The following PRKN variants were observed in gnomAD, a reference collection of about 807,000 sequenced individuals.
The protein encoded by PRKN is E3 ubiquitin-protein ligase parkin.
PRKN carries 56 observed loss-of-function variants against 59.5 expected under a neutral mutation model. The ratio of observed to expected loss-of-function variants is 0.94; its 90% CI spans 0.76 to 1.18. The LOEUF (loss-of-function observed/expected upper bound fraction) is 1.18. Among genes scored for constraint, PRKN ranks in the 50% most tolerant of loss-of-function variants. The probability of loss-of-function intolerance (pLI) is 0.00; values close to 1 mark genes in which losing one functional copy is unlikely to be tolerated. For synonymous variants in PRKN, 250 were observed against 222.1 expected, an observed-to-expected ratio of 1.13 and a Z score of -1.12; for missense variants, 657 against 596.4, an observed-to-expected ratio of 1.10 and a Z score of -1.06.
At chr6:162,374,746 T>A (rs1359176612) in intron 2 of PRKN, among the ~76,000 whole-genome samples, 1 of 152,102 alleles carries the variant, frequency 6.6e-6, no homozygotes, top group Non-Finnish European at 1.5e-5. Context: ...TTTATAGATG[T>A]CTGTATGTAA....
chr6:161,744,438 CTT>C (rs1260608605), intron 7 of PRKN, among the ~76,000 whole-genome samples: 1 of 152,162 alleles, frequency 6.6e-6, no homozygotes, highest in Non-Finnish European at 1.5e-5. Context: ...TCACTGAATG[CTT>C]GCTATGGGAG....
At chr6:162,254,701 T>C (rs1779574327) in intron 3 of PRKN, among the ~76,000 whole-genome samples, 1 of 152,132 alleles carries the variant, frequency 6.6e-6, no homozygotes, top group South Asian at 2.1e-4. Context: ...GAGCCAGCTT[T>C]GTTAAGCCCC....
chr6:162,713,310 C>T (rs903192113), intron 1 of PRKN, among the ~76,000 whole-genome samples: 3 of 152,144 alleles, frequency 2.0e-5, no homozygotes, highest in Middle Eastern at 3.4e-3. Flanking sequence ...CTGGCTAACA[C>T]AGTGAAACCC....
intron 2 of PRKN, among the ~76,000 whole-genome samples, chr6:162,345,657 T>G (rs1784369610): frequency 6.6e-6 from 1 of 152,194 alleles, no homozygotes; most frequent in South Asian, 2.1e-4. Context: ...ATCTTCTGCC[T>G]GTTGTTAGCA....
chr6:161,894,991 G>C (rs1777558283), intron 6 of PRKN, among the ~76,000 whole-genome samples: 3 of 152,288 alleles, frequency 2.0e-5, no homozygotes, highest in Admixed American at 2.0e-4. Context: ...CTGAAGATCT[G>C]ACCTCACTCT....
chr6:162,103,078 A>T (rs1214163775), intron 4 of PRKN, among the ~76,000 whole-genome samples: 1 of 151,768 alleles, frequency 6.6e-6, no homozygotes, highest in South Asian at 2.1e-4. Context: ...GAAATACATA[A>T]CTTGAATGAA....
chr6:161,733,783 A>AAATATATATATATGTATATATATAT (rs35360887), intron 7 of PRKN, among the ~76,000 whole-genome samples: 1 of 86,226 alleles, frequency 1.2e-5, no homozygotes, highest in Admixed American at 1.3e-4. Context: ...AAAAAAAAAA[A>AAATATATATATATGTATATATATAT]ATATATATAT....
chr6:161,731,981 T>C (rs999752810), intron 7 of PRKN, among the ~76,000 whole-genome samples: 21 of 152,314 alleles, frequency 1.4e-4, no homozygotes, highest in African/African-American at 3.4e-4. Flanking sequence ...CAGAAGTACA[T>C]GTGCAGGTTT....
Position 161,386,879 on chromosome 6 carries a change from T to C in PRKN, c.1084-2A>G. The C allele has an allele frequency of 6.2e-7, 1 of 1,613,296 alleles. No homozygotes were observed. The highest frequency in any genetic ancestry group is 8.5e-7 in the Non-Finnish European group (1 of 1,179,228). ...TTTACATTCCCGGCAGAAGGCAAAC[T>C]GCAAAAGAACACACATCCATTAATT... On this transcript the variant is annotated splice_acceptor_variant, in intron 9 of 11. Coordinates refer to ENST00000366898, the MANE Select transcript of PRKN (RefSeq NM_004562.3). LOFTEE classifies it high-confidence loss of function. The surrounding 1 kb of genome is among the most constrained non-coding windows in gnomAD (Gnocchi z 4.3).
At chr6:162,676,687 CT>C (rs1271694086) in intron 1 of PRKN, among the ~76,000 whole-genome samples, 1 of 152,194 alleles carries the variant, frequency 6.6e-6, no homozygotes, top group East Asian at 1.9e-4. Flanking sequence ...TAAAAAGTTA[CT>C]GACAACAGAA....
At chr6:161,657,754 G>A (rs1402876466) in intron 7 of PRKN, among the ~76,000 whole-genome samples, 2 of 152,010 alleles carry the variant, frequency 1.3e-5, no homozygotes, top group African/African-American at 2.4e-5. Flanking sequence ...GGCTGGGCAC[G>A]GTGGCTCACA....
intron 7 of PRKN, among the ~76,000 whole-genome samples, chr6:161,667,668 C>G (rs564602793): frequency 2.0e-5 from 3 of 152,280 alleles, no homozygotes; most frequent in African/African-American, 4.8e-5. Flanking sequence ...TAATCAATAA[C>G]TATGTGTTGA....
At chr6:162,577,374 T>C (rs376353936) in intron 1 of PRKN, among the ~76,000 whole-genome samples, 1 of 148,362 alleles carries the variant, frequency 6.7e-6, no homozygotes, top group East Asian at 2.1e-4. Flanking sequence ...CCGAGGCACG[T>C]GGATCACCTA....
chr6:162,526,685 C>A (rs868205671), intron 1 of PRKN, among the ~76,000 whole-genome samples: 16 of 151,112 alleles, frequency 1.1e-4, no homozygotes, highest in Non-Finnish European at 4.4e-5. Context: ...TAATAAAAGT[C>A]CAGCCCATAG....
At chr6:161,364,275 A>G (rs1785102074) in intron 10 of PRKN, among the ~76,000 whole-genome samples, 1 of 150,476 alleles carries the variant, frequency 6.6e-6, no homozygotes, top group African/African-American at 2.4e-5. Context: ...CCTGACCAAC[A>G]TGGTGAAACC....
At chr6:162,174,394 C>T (rs1252825367) in intron 4 of PRKN, among the ~76,000 whole-genome samples, 1 of 152,176 alleles carries the variant, frequency 6.6e-6, no homozygotes, top group African/African-American at 2.4e-5. Context: ...ACCACACAAA[C>T]TCATGCACCC....
At chr6:162,046,497 G>T (rs962148179) in intron 5 of PRKN, among the ~76,000 whole-genome samples, 2 of 152,226 alleles carry the variant, frequency 1.3e-5, no homozygotes, top group African/African-American at 4.8e-5. Context: ...TGGCGTCATA[G>T]ACTAAACCAA....
chr6:161,622,375 G>T (rs539325779), intron 7 of PRKN, among the ~76,000 whole-genome samples: 1 of 152,142 alleles, frequency 6.6e-6, no homozygotes, highest in Non-Finnish European at 1.5e-5. Flanking sequence ...CCAGCACCAG[G>T]CCTGCCCCTT....
At chr6:162,338,101 G>A (rs560406288) in intron 2 of PRKN, among the ~76,000 whole-genome samples, 25 of 152,194 alleles carry the variant, frequency 1.6e-4, no homozygotes, top group Admixed American at 3.9e-4. Context: ...ACAGTGGCCC[G>A]GGAGACAGAA....
Sources: allele counts gnomAD v4.1 joint callset (sites outside exome capture counted in the v4.1 genomes callset), GRCh38; gene constraint gnomAD v4.1.1; non-coding constraint Gnocchi (gnomAD v3.1); transcripts MANE v1.5; gene names NCBI Gene and HGNC (gene_info 2026-07-23, HGNC 2026-07-21).